CACNA2D3: variants seen among roughly 807,000 people sequenced by gnomAD.
The protein encoded by CACNA2D3 is calcium voltage-gated channel auxiliary subunit alpha2delta 3, also known as voltage-dependent calcium channel subunit alpha-2/delta-3.
A neutral mutation model predicts 160.6 loss-of-function variants in CACNA2D3; 60 were observed. The observed-to-expected ratio is 0.37, with a 90% confidence interval of 0.30 to 0.46. The LOEUF (loss-of-function observed/expected upper bound fraction) is 0.46. Among genes scored for constraint, CACNA2D3 ranks in the 20% least tolerant of loss-of-function variants. The pLI is 1.00. For synonymous variants in CACNA2D3, 558 were observed against 492.9 expected (o/e 1.13, Z -1.75); for missense variants, 1,205 against 1,365.0 (o/e 0.88, Z 1.85).
At chr3:54,606,805 C>T (rs1260155735) in intron 9 of CACNA2D3, among the ~76,000 whole-genome samples, 1 of 152,058 alleles carries the variant, frequency 6.6e-6, no homozygotes, top group East Asian at 1.9e-4. Context: ...CTTTTCACCC[C>T]CTCTCTAATC....
At chr3:54,427,069 G>C (rs542224857) in intron 4 of CACNA2D3, among the ~76,000 whole-genome samples, 2 of 147,848 alleles carry the variant, frequency 1.4e-5, no homozygotes, top group Admixed American at 1.4e-4. Context: ...TATGTTCTGC[G>C]TACCCTTTCT....
chr3:55,058,988 C>T (rs926746323), intron 35 of CACNA2D3, among the ~76,000 whole-genome samples: 1 of 152,006 alleles, frequency 6.6e-6, no homozygotes, highest in Non-Finnish European at 1.5e-5. Flanking sequence ...TGTTTTCTTA[C>T]CATTAACATG....
At chr3:54,811,330 C>T (rs1703306736) in intron 13 of CACNA2D3, among the ~76,000 whole-genome samples, 1 of 152,068 alleles carries the variant, frequency 6.6e-6, no homozygotes, top group African/African-American at 2.4e-5. Flanking sequence ...TTATCAAGGA[C>T]CAACCTTGGC....
At chr3:54,591,287 G>A (rs1702853775) in intron 9 of CACNA2D3, among the ~76,000 whole-genome samples, 1 of 152,186 alleles carries the variant, frequency 6.6e-6, no homozygotes, top group Non-Finnish European at 1.5e-5. Context: ...TCCTCTAGGT[G>A]TCTTCCGTGA....
intron 6 of CACNA2D3, among the ~76,000 whole-genome samples, chr3:54,569,444 C>CT (rs1454108081): frequency 1.3e-5 from 2 of 152,076 alleles, no homozygotes; most frequent in Admixed American, 6.6e-5. Flanking sequence ...GGATGATCCC[C>CT]CCAGGTGCAA....
chr3:54,453,873 C>T (rs893387004), intron 4 of CACNA2D3, among the ~76,000 whole-genome samples: 1 of 152,130 alleles, frequency 6.6e-6, no homozygotes, highest in Non-Finnish European at 1.5e-5. Flanking sequence ...TTGGGGAGAT[C>T]GATTTTATTG....
intron 13 of CACNA2D3, among the ~76,000 whole-genome samples, chr3:54,815,895 T>C (rs185124268): frequency 1.1e-3 from 166 of 152,364 alleles, no homozygotes; most frequent in Admixed American, 2.2e-3. Context: ...AGATTGGGTA[T>C]TTAATACATG....
Position 54,648,642 on chromosome 3 carries a change from A to G in CACNA2D3, c.1167+6401A>G, listed in dbSNP as rs144062029. On this transcript the variant is annotated intron_variant, in intron 11 of 37. Transcript: ENST00000474759. ...GTGTTAGTCCATTCTGCGTTAGCAT[A>G]AAGGAACACCTGCGGTTGGGTAATT... 5.1e-4 allele frequency among the ~76,000 whole-genome samples: 77 copies of G among 152,328 alleles called. 1 individual carries two copies. The highest frequency in any genetic ancestry group is 4.6e-3 in the South Asian group (22 of 4,824).
intron 4 of CACNA2D3, among the ~76,000 whole-genome samples, chr3:54,452,431 C>T (rs778985831): frequency 6.6e-6 from 1 of 152,206 alleles, no homozygotes; most frequent in African/African-American, 2.4e-5. Context: ...GGGACACAGC[C>T]AAACCATATC....
chr3:54,292,716 T>C (rs1299980386), intron 2 of CACNA2D3, among the ~76,000 whole-genome samples: 1 of 152,218 alleles, frequency 6.6e-6, no homozygotes, highest in Non-Finnish European at 1.5e-5. Flanking sequence ...AACCCTCATA[T>C]GTTGTTGGTG....
At chr3:54,148,804 C>T (rs934898729) in intron 2 of CACNA2D3, among the ~76,000 whole-genome samples, 15 of 151,784 alleles carry the variant, frequency 9.9e-5, no homozygotes, top group Admixed American at 5.9e-4. Context: ...TGGTGAAACC[C>T]CATCTCTACT....
At chr3:54,885,064 G>T in intron 21 of CACNA2D3, among the ~76,000 whole-genome samples, 1 of 152,180 alleles carries the variant, frequency 6.6e-6, no homozygotes. Context: ...GAAGGTGGCA[G>T]TGCTGGGCTG....
chr3:54,351,557 C>T (rs1011331073), intron 3 of CACNA2D3, among the ~76,000 whole-genome samples: 2 of 152,128 alleles, frequency 1.3e-5, no homozygotes, highest in African/African-American at 2.4e-5. Flanking sequence ...AACTTTAAAG[C>T]GTGCTTCATT....
At chr3:54,762,818 G>T (rs1210945374) in intron 12 of CACNA2D3, among the ~76,000 whole-genome samples, 3 of 152,218 alleles carry the variant, frequency 2.0e-5, no homozygotes, top group Non-Finnish European at 4.4e-5. Flanking sequence ...CTGGCTGGGC[G>T]TGGTGGCTCA....
intron 2 of CACNA2D3, among the ~76,000 whole-genome samples, chr3:54,244,471 G>T (rs112186378): frequency 1.1e-4 from 17 of 152,308 alleles, no homozygotes; most frequent in African/African-American, 4.1e-4. Context: ...GACATCATTT[G>T]TGCTGCAGAC....
chr3:54,291,173 C>T (rs1174496760), intron 2 of CACNA2D3, among the ~76,000 whole-genome samples: 1 of 152,110 alleles, frequency 6.6e-6, no homozygotes, highest in Non-Finnish European at 1.5e-5. Context: ...ATGAGTGATC[C>T]TTATTTATAT....
chr3:54,974,209 T>C (rs1156919506), intron 29 of CACNA2D3, among the ~76,000 whole-genome samples: 1 of 152,202 alleles, frequency 6.6e-6, no homozygotes, highest in Non-Finnish European at 1.5e-5. Context: ...TCACACATCA[T>C]AGGTGACCAA....
intron 35 of CACNA2D3, among the ~76,000 whole-genome samples, chr3:55,036,995 C>A (rs1265555442): frequency 6.0e-5 from 9 of 149,706 alleles, no homozygotes; most frequent in Non-Finnish European, 1.3e-4. Flanking sequence ...GGAATCTGCA[C>A]TTTGGCCAGG....
chr3:54,269,871 T>C lies in CACNA2D3; in HGVS notation c.205-50571T>C, dbSNP rs564391162. On this transcript the variant is annotated intron_variant, in intron 2 of 37. Transcript: ENST00000474759. The stretch of plus-strand genomic sequence containing the variant: ...GACACTTAAAAATACAGAAAATACT[T>C]AGAGGAAAGTGTCTGACACTTGAGA... Among the ~76,000 whole-genome samples, 6 of 152,354 alleles carry C rather than the reference T, an allele frequency of 3.9e-5. No homozygotes were observed. The East Asian group carries it at 1.2e-3, about 29-fold the overall frequency.
Sources: gnomAD v4.1 joint callset for allele counts (sites outside exome capture counted in the v4.1 genomes callset) on GRCh38, gnomAD v4.1.1 for gene constraint, MANE v1.5 for transcripts, NCBI Gene and HGNC (gene_info 2026-07-23, HGNC 2026-07-21) for gene names.